The following AMBRA1 variants were observed in gnomAD, a reference collection of about 807,000 sequenced individuals.
The protein encoded by AMBRA1 is autophagy and beclin 1 regulator 1.
A neutral mutation model predicts 125.4 loss-of-function variants in AMBRA1; 47 were observed. The observed-to-expected ratio is 0.37, with a 90% CI of 0.30 to 0.48. The LOEUF (loss-of-function observed/expected upper bound fraction) is 0.48, where lower values mean the gene tolerates loss of function less well. AMBRA1 is among the 20% of genes least tolerant of loss of function. AMBRA1 has a pLI of 0.99. For synonymous variants in AMBRA1, 626 were observed against 655.5 expected, an observed-to-expected ratio of 0.95 and a Z score of 0.69; for missense variants, 1,331 against 1,693.4, an observed-to-expected ratio of 0.79 and a Z score of 3.76.
rs1483075877 is a variant in AMBRA1, at chr11:46,542,214, C to T, written c.1803G>A (p.Gln601=). 6.2e-7 allele frequency: 1 copy of T among 1,613,962 alleles called. No individual in the cohort carries two copies. The highest frequency in any genetic ancestry group is 1.7e-5 in the Admixed American group (1 of 59,998). ...GCACACTCTCAAAGGAGCTGGGGACCTGCCAAGAGGAACTAGCCTCGCCAG... is the reference window on the plus strand; with the variant it reads ...GCACACTCTCAAAGGAGCTGGGGACTTGCCAAGAGGAACTAGCCTCGCCAG... ...YSSGEASSSW[Q]VPSSFESVPS... is the part of the protein sequence containing the mutation. The change falls in exon 7 of 18, where the codon CAG becomes CAA. Residue 601 remains glutamine, a synonymous_variant. Transcript: ENST00000683756. This position sits in a 1 kb window ranked among gnomAD's most constrained non-coding sequence, Gnocchi z 5.9.
chr11:46,501,827 T>C (rs1358247123), intron 9 of AMBRA1, among the ~76,000 whole-genome samples: 1 of 152,254 alleles, frequency 6.6e-6, no homozygotes, highest in Non-Finnish European at 1.5e-5. Flanking sequence ...GCCAGAAATA[T>C]GTCACAGGAA....
chr11:46,590,916 AAAAAAAAAAAAG>A (rs1223821543), intron 1 of AMBRA1, among the ~76,000 whole-genome samples: 1 of 151,500 alleles, frequency 6.6e-6, no homozygotes, highest in African/African-American at 2.4e-5. Context: ...CCATCTCAAA[AAAAAAAAAAAAG>A]AAAAACAAAA....
chr11:46,589,994 A>G (rs1376745179), intron 1 of AMBRA1, among the ~76,000 whole-genome samples: 1 of 152,158 alleles, frequency 6.6e-6, no homozygotes, highest in African/African-American at 2.4e-5. Context: ...TTTGATATTA[A>G]TAAGCACCAT....
At chr11:46,507,246 A>G (rs1466382477) in intron 9 of AMBRA1, among the ~76,000 whole-genome samples, 7 of 149,996 alleles carry the variant, frequency 4.7e-5, no homozygotes, top group East Asian at 2.0e-4. Context: ...TTGGGAGGCC[A>G]AGGCGGGCAG....
chr11:46,468,625 C>T (rs1444958427), intron 11 of AMBRA1, among the ~76,000 whole-genome samples: 3 of 151,070 alleles, frequency 2.0e-5, no homozygotes, highest in Middle Eastern at 3.4e-3. Context: ...CGTGAAACCC[C>T]GTCTCTACTA....
intron 15 of AMBRA1, among the ~76,000 whole-genome samples, chr11:46,412,246 T>C (rs746016550): frequency 6.6e-6 from 1 of 152,192 alleles, no homozygotes; most frequent in Non-Finnish European, 1.5e-5. Context: ...ATACTTAAAA[T>C]CATCTCTAGA....
At chr11:46,419,840 T>C (rs1346722218) in intron 14 of AMBRA1, among the ~76,000 whole-genome samples, 2 of 152,080 alleles carry the variant, frequency 1.3e-5, no homozygotes, top group African/African-American at 2.4e-5. Context: ...GGAGGGATGA[T>C]TGAGTCTGAA....
At chr11:46,457,482 T>G (rs1041687796) in intron 11 of AMBRA1, among the ~76,000 whole-genome samples, 2 of 152,162 alleles carry the variant, frequency 1.3e-5, no homozygotes, top group Non-Finnish European at 2.9e-5. Context: ...AAATGTTAAT[T>G]TTGAGATTTG....
At chr11:46,429,988 GGGAA>G (rs1466042364) in intron 14 of AMBRA1, among the ~76,000 whole-genome samples, 1 of 152,084 alleles carries the variant, frequency 6.6e-6, no homozygotes, top group Non-Finnish European at 1.5e-5. Flanking sequence ...AATGGACAGT[GGGAA>G]GGGAGAGAGA....
chr11:46,487,012 C>G (rs1314583281), intron 11 of AMBRA1, among the ~76,000 whole-genome samples: 1 of 149,882 alleles, frequency 6.7e-6, no homozygotes, highest in Non-Finnish European at 1.5e-5. Flanking sequence ...AATCCCAGCA[C>G]TTTGTGGGGC....
At chr11:46,497,585 C>T (rs1053446251) in intron 9 of AMBRA1, among the ~76,000 whole-genome samples, 1 of 152,174 alleles carries the variant, frequency 6.6e-6, no homozygotes, top group Non-Finnish European at 1.5e-5. Context: ...TGAGATGCTG[C>T]CTATGGGAGA....
chr11:46,461,553 T>C (rs1021622255), intron 11 of AMBRA1, among the ~76,000 whole-genome samples: 1 of 152,230 alleles, frequency 6.6e-6, no homozygotes, highest in Non-Finnish European at 1.5e-5. Flanking sequence ...GAGGTCATAA[T>C]TGGCTAAAGT....
intron 11 of AMBRA1, among the ~76,000 whole-genome samples, chr11:46,465,965 A>G (rs1421293546): frequency 6.6e-6 from 1 of 152,256 alleles, no homozygotes; most frequent in East Asian, 1.9e-4. Context: ...AAAGATACAC[A>G]GATTTGGGAT....
chr11:46,514,067 T>C (rs751196724), intron 7 of AMBRA1, among the ~76,000 whole-genome samples: 36 of 152,134 alleles, frequency 2.4e-4, no homozygotes, highest in Non-Finnish European at 2.1e-4. Flanking sequence ...ACGCATATTG[T>C]TCCTCTCCAG....
intron 8 of AMBRA1, among the ~76,000 whole-genome samples, chr11:46,510,900 TCAAA>T (rs903297726): frequency 6.6e-6 from 1 of 152,162 alleles, no homozygotes; most frequent in African/African-American, 2.4e-5. Flanking sequence ...TGGAAAATCA[TCAAA>T]CAACCCTAGT....
In AMBRA1 at chr11:46,546,792, C is replaced by CGG. The variant is rs375810743; in HGVS notation, c.378+319_378+320dup. Among the ~76,000 whole-genome samples the CGG allele has an allele frequency of 3.3e-5, 5 of 152,206 alleles. No homozygotes were observed. In the East Asian group the frequency reaches 9.7e-4, roughly 29 times the overall value. ...CTGCATTTAGAATACCAAAAGAAGC[C>CGG]GGGCATGGTGGCTCATGCCTGTAAT... On this transcript the variant is annotated intron_variant, in intron 4 of 17. Coordinates refer to ENST00000683756, the MANE Select transcript of AMBRA1 (RefSeq NM_001387011.1).
intron 1 of AMBRA1, among the ~76,000 whole-genome samples, chr11:46,576,388 A>G (rs2043962450): frequency 2.0e-5 from 3 of 152,156 alleles, no homozygotes; most frequent in Admixed American, 6.6e-5. Context: ...TCAGACTCCC[A>G]AAGTCCTGGG....
At chr11:46,480,721 C>T (rs1242515237) in intron 11 of AMBRA1, among the ~76,000 whole-genome samples, 1 of 152,152 alleles carries the variant, frequency 6.6e-6, no homozygotes, top group African/African-American at 2.4e-5. Context: ...AGGCTCTTTG[C>T]TCTACAACTT....
At chr11:46,476,277 A>C (rs1019198135) in intron 11 of AMBRA1, among the ~76,000 whole-genome samples, 6 of 152,310 alleles carry the variant, frequency 3.9e-5, no homozygotes, top group African/African-American at 1.4e-4. Flanking sequence ...AAATTCTATA[A>C]ATGAGTCTCA....
Sources: allele counts gnomAD v4.1 joint callset (sites outside exome capture counted in the v4.1 genomes callset), GRCh38; gene constraint gnomAD v4.1.1; non-coding constraint Gnocchi (gnomAD v3.1); transcripts MANE v1.5; gene names NCBI Gene and HGNC (gene_info 2026-07-23, HGNC 2026-07-21).